Variants in MROH1 observed in about 807,000 individuals in gnomAD.
MROH1 encodes maestro heat-like repeat-containing protein family member 1.
In MROH1, 117 loss-of-function variants were observed where a neutral mutation model predicts 116.5. That is an observed-to-expected ratio of 1.00 (90% CI 0.86 to 1.17). The LOEUF is 1.17. MROH1 is among the 50% of genes most tolerant of loss of function. The pLI, the probability that MROH1 is intolerant of heterozygous loss-of-function variation, is 0.00. For missense variants in MROH1, 1,873 were observed against 1,338.5 expected (o/e 1.40, Z -6.23); for synonymous variants, 921 against 583.9 (o/e 1.58, Z -8.32).
At chr8:144,159,804 G>T (rs1263301757) in intron 1 of MROH1, among the ~76,000 whole-genome samples, 7 of 107,382 alleles carry the variant, frequency 6.5e-5, no homozygotes, top group Non-Finnish European at 1.0e-4. Flanking sequence ...GTCTCGCTTT[G>T]TCGCCCAGGC....
At chr8:144,240,753 C>T (rs1840837189) in intron 20 of MROH1, 76 bp downstream of exon 20, 2 of 701,658 alleles carry the variant, frequency 2.9e-6, no homozygotes, top group African/African-American at 1.8e-5. Context: ...CACTTGCTGT[C>T]TGGGCCCTGT....
rs780279785 is a variant in MROH1 at position 144,199,142 on chromosome 8, C to T, written c.969C>T (p.Ser323=). 3.1e-6 allele frequency: 5 copies of T among 1,613,638 alleles called. No homozygotes were observed. The East Asian group carries it at 1.1e-4, about 36-fold the overall frequency. ...AGCAGATCTGTGTGCCTGTGGAGTC[C>T]TCAAGCCCCCTGGTGATGAGTAACC... The part of the protein sequence containing the change: ...LHSQICVPVE[S]SSPLVMSNQK... The change falls in exon 11 of 44, where the codon TCC becomes TCT. Residue 323 remains serine, a synonymous_variant. Transcript: ENST00000326134.
chr8:144,234,497 C>CTTTTTTTTTTTTTTTT (rs1554823930), intron 14 of MROH1, among the ~76,000 whole-genome samples: 2 of 20,626 alleles, frequency 9.7e-5, no homozygotes, highest in Non-Finnish European at 2.2e-4. Context: ...CTTTCTTTTT[C>CTTTTTTTTTTTTTTTT]GTTTTTTTTT....
At chr8:144,239,902 C>T in intron 18 of MROH1, 147 bp downstream of exon 18, 1 of 677,126 alleles carries the variant, frequency 1.5e-6, no homozygotes, top group Non-Finnish European at 2.7e-6. Flanking sequence ...AATACAGTCT[C>T]CCCTGTTGTC....
intron 7 of MROH1, among the ~76,000 whole-genome samples, chr8:144,189,575 C>T (rs1828045213): frequency 6.6e-6 from 1 of 152,216 alleles, no homozygotes; most frequent in Non-Finnish European, 1.5e-5. Context: ...CCCAGCTCTG[C>T]CCGCTCCCAG....
At chr8:144,238,981 T>C in intron 15 of MROH1, 54 bp from the exon 16 acceptor site, 2 of 773,180 alleles carry the variant, frequency 2.6e-6, no homozygotes, top group East Asian at 4.8e-5. Flanking sequence ...CAGGGCCCTG[T>C]CTGCATGGGA....
At chr8:144,259,179 G>T (rs1844494521) in intron 36 of MROH1, 61 bp from the exon 37 acceptor site, 11 of 704,714 alleles carry the variant, frequency 1.6e-5, no homozygotes, top group African/African-American at 3.5e-5. Flanking sequence ...AGGGTGGAAG[G>T]TGCCTGGGTA....
At chr8:144,155,026 C>T (rs1817700493) in intron 1 of MROH1, among the ~76,000 whole-genome samples, 1 of 152,150 alleles carries the variant, frequency 6.6e-6, no homozygotes, top group Non-Finnish European at 1.5e-5. Flanking sequence ...CCATGCTAGC[C>T]AGGCTGGTCT....
intron 14 of MROH1, among the ~76,000 whole-genome samples, chr8:144,226,668 G>A (rs1472799928): frequency 1.3e-5 from 2 of 152,088 alleles, no homozygotes; most frequent in Admixed American, 1.3e-4. Context: ...GGCCAGGCTG[G>A]TCTCAAACTC....
intron 7 of MROH1, among the ~76,000 whole-genome samples, chr8:144,186,100 A>G (rs1827096436): frequency 6.7e-6 from 1 of 148,642 alleles, no homozygotes; most frequent in Non-Finnish European, 1.5e-5. Flanking sequence ...GGGGAAATGA[A>G]GCAAAAAGGA....
intron 13 of MROH1, among the ~76,000 whole-genome samples, chr8:144,220,922 C>T (rs761752995): frequency 6.6e-6 from 1 of 152,222 alleles, no homozygotes; most frequent in African/African-American, 2.4e-5. Context: ...TCCCTAGCCC[C>T]TCCTTCAGGC....
intron 12 of MROH1, among the ~76,000 whole-genome samples, chr8:144,215,971 G>A (rs550991345): frequency 9.9e-5 from 15 of 151,794 alleles, no homozygotes; most frequent in East Asian, 3.9e-4. Context: ...GATCACCTGC[G>A]GTCAGGAGTT....
chr8:144,215,885 AAG>A (rs1394439702), intron 12 of MROH1, among the ~76,000 whole-genome samples: 1 of 144,198 alleles, frequency 6.9e-6, no homozygotes, highest in Non-Finnish European at 1.5e-5. Flanking sequence ...AAAAAAAAAA[AAG>A]AAAAATAATG....
At chr8:144,248,758 G>A (rs1273610679) in intron 31 of MROH1, 119 bp from the exon 32 acceptor site, 18 of 703,518 alleles carry the variant, frequency 2.6e-5, no homozygotes, top group Middle Eastern at 3.6e-4. Context: ...GCTGGGGCCC[G>A]GCTGCAAGAA....
chr8:144,242,314 C>T (rs1486310459), intron 22 of MROH1, 55 bp from the exon 23 acceptor site: 6 of 779,954 alleles, frequency 7.7e-6, no homozygotes, highest in South Asian at 2.7e-5. Flanking sequence ...CGAGGATTCC[C>T]GTCGGGGAGT....
At chr8:144,201,894 G>A (rs545807305) in intron 12 of MROH1, among the ~76,000 whole-genome samples, 4 of 152,050 alleles carry the variant, frequency 2.6e-5, no homozygotes, top group East Asian at 1.9e-4. Context: ...GGTGGCGGGC[G>A]CCTGTAATCC....
Position 144,163,731 on chromosome 8 carries a change from G to T in MROH1, c.-56-40G>T. On this transcript the variant is annotated intron_variant, in intron 2 of 43. Coordinates refer to ENST00000326134, the MANE Select transcript of MROH1 (RefSeq NM_032450.3). This position sits in a 1 kb window ranked among gnomAD's most constrained non-coding sequence, Gnocchi z 4.4. ...ATTGCCTGTGAACTCAGATATCGTA[G>T]AGGCTTATGAATTAAATCTTGTGAT... The T allele has an allele frequency of 7.8e-7, 1 of 1,275,764 alleles. No homozygotes were observed. Among genetic ancestry groups the T allele is most frequent in the Non-Finnish European group, 1.1e-6 (1 of 888,308 alleles). 79.0% of individuals were successfully genotyped at this position (1,275,764 alleles called of 1,614,324 possible). A position where few individuals can be genotyped will look rare whatever the true frequency, so the allele number is the denominator to read the frequency against.
intron 1 of MROH1, among the ~76,000 whole-genome samples, chr8:144,149,187 A>G (rs1816142687): frequency 2.0e-5 from 3 of 152,062 alleles, no homozygotes; most frequent in South Asian, 2.1e-4. Flanking sequence ...CATAGGTGGT[A>G]CGTGTTTGTG....
In MROH1 at chr8:144,231,311, A is replaced by G. The variant is rs911857706; in HGVS notation, c.1339-7445A>G. Among the ~76,000 whole-genome samples the G allele has an allele frequency of 7.2e-5, 11 of 151,908 alleles. No homozygotes were observed. The East Asian group carries it at 1.3e-3, about 19-fold the overall frequency. On this transcript the variant is annotated intron_variant, in intron 14 of 43. Coordinates refer to ENST00000326134, the MANE Select transcript of MROH1 (RefSeq NM_032450.3). ...CCATTGTCATCATGGCCCGTTCTCA[A>G]TGAGCTGTTGGGCACACCTCCCAGA...
Sources: allele counts gnomAD v4.1 joint callset (sites outside exome capture counted in the v4.1 genomes callset), GRCh38; gene constraint gnomAD v4.1.1; non-coding constraint Gnocchi (gnomAD v3.1); transcripts MANE v1.5; gene names NCBI Gene and HGNC (gene_info 2026-07-23, HGNC 2026-07-21).